Variants in DGKB observed in about 807,000 individuals in gnomAD.
DGKB encodes the protein 90 kDa diacylglycerol kinase.
DGKB carries 67 observed loss-of-function variants against 114.3 expected under a neutral mutation model. The observed-to-expected ratio is 0.59, with a 90% CI of 0.48 to 0.72. The LOEUF is 0.72. Ranked by LOEUF, DGKB falls within the 30% of genes least tolerant of loss-of-function variation. The probability of loss-of-function intolerance (pLI) is 0.00; values close to 1 mark genes in which losing one functional copy is unlikely to be tolerated. For synonymous variants in DGKB, 398 were observed against 323.1 expected, an observed-to-expected ratio of 1.23 and a Z score of -2.49; for missense variants, 907 against 975.2, an observed-to-expected ratio of 0.93 and a Z score of 0.93.
intron 8 of DGKB, among the ~76,000 whole-genome samples, chr7:14,695,495 T>TCTCTCTCTCTCTCTC (rs1491095073): frequency 1.7e-3 from 103 of 59,570 alleles, no homozygotes; most frequent in African/African-American, 7.3e-3. Context: ...TCTCTCTCTC[T>TCTCTCTCTCTCTCTC]TTTTTTTTTT....
chr7:14,720,516 T>C (rs1197184709), intron 5 of DGKB, among the ~76,000 whole-genome samples: 4 of 130,486 alleles, frequency 3.1e-5, no homozygotes, highest in Non-Finnish European at 5.0e-5. Context: ...TGTGTGTGTG[T>C]GTATGTTTAG....
intron 9 of DGKB, 125 bp downstream of exon 9, chr7:14,693,950 A>C: frequency 9.0e-7 from 1 of 1,110,334 alleles, no homozygotes; most frequent in East Asian, 2.6e-5. Flanking sequence ...ATACTTATTA[A>C]AAGTTCCAGG....
chr7:14,667,909 C>G (rs376257389), intron 13 of DGKB, among the ~76,000 whole-genome samples: 5 of 152,058 alleles, frequency 3.3e-5, no homozygotes, highest in Admixed American at 6.6e-5. Flanking sequence ...TTAACACATA[C>G]GAGACCCGAA....
rs1781745427 is a variant in DGKB, at chr7:14,148,666, G to A, written c.*465C>T. On this transcript the variant is annotated 3_prime_UTR_variant, in exon 26 of 26. Transcript: ENST00000402815. ...ATTAAAAGTTTCTCCTCAAGTCATA[G>A]GTCACTGATACACTGATTCTAAAAG... is the stretch of plus-strand genomic sequence containing the variant. 1.2e-5 allele frequency: 2 copies of A among 166,682 alleles called. No homozygotes were observed. Among genetic ancestry groups the A allele is most frequent in the African/African-American group, 4.8e-5 (2 of 41,520 alleles). The allele number at this position is 166,682 out of a possible 1,614,324, so 10.3% of individuals were successfully genotyped here.
At chr7:14,603,653 A>G (rs1803971310) in intron 17 of DGKB, among the ~76,000 whole-genome samples, 1 of 152,122 alleles carries the variant, frequency 6.6e-6, no homozygotes, top group Admixed American at 6.6e-5. Context: ...GTTGCATTAT[A>G]TTTTTAAAAT....
intron 20 of DGKB, among the ~76,000 whole-genome samples, chr7:14,560,344 G>A (rs1264038536): frequency 6.6e-5 from 10 of 151,966 alleles, no homozygotes; most frequent in Non-Finnish European, 1.0e-4. Context: ...ATTTATGTCC[G>A]TTGATTAATA....
At chr7:14,568,758 G>A (rs1310802502) in intron 20 of DGKB, among the ~76,000 whole-genome samples, 1 of 152,184 alleles carries the variant, frequency 6.6e-6, no homozygotes, top group East Asian at 1.9e-4. Flanking sequence ...ACATATTTCT[G>A]ACCTCGGGCT....
intron 1 of DGKB, among the ~76,000 whole-genome samples, chr7:14,866,253 C>G (rs1851697268): frequency 6.6e-6 from 1 of 152,106 alleles, no homozygotes; most frequent in Admixed American, 6.6e-5. Context: ...GATGAGCTTA[C>G]CATGAGACAC....
rs761304991 is a variant in DGKB, at chr7:14,843,315, CTTTTTTTTTT to C, written c.-187-1875_-187-1866del. On this transcript the variant is annotated intron_variant, in intron 1 of 25. Transcript: ENST00000402815. Reference sequence around the variant, plus strand: ...TTATTTGTTAATTAAATTTTAATAACTTTTTTTTTTTTTTTTTTTTTTTTTTTTTTGAGAC... The same window carrying C: ...TTATTTGTTAATTAAATTTTAATAACTTTTTTTTTTTTTTTTTTTTGAGAC... Among the ~76,000 whole-genome samples, 163 of 77,280 alleles carry C rather than the reference CTTTTTTTTTT, an allele frequency of 2.1e-3. 2 individuals carry two copies. The highest frequency in any genetic ancestry group is 7.9e-3 in the African/African-American group (153 of 19,458). 50.7% of individuals were successfully genotyped at this position (77,280 alleles called of 152,430 possible). A position where few individuals can be genotyped will look rare whatever the true frequency, so the allele number is the denominator to read the frequency against.
chr7:14,350,392 T>C (rs1813231911), intron 21 of DGKB, among the ~76,000 whole-genome samples: 1 of 151,970 alleles, frequency 6.6e-6, no homozygotes, highest in South Asian at 2.1e-4. Context: ...GAAGTAAACA[T>C]AAAACAAAAC....
Position 14,313,814 on chromosome 7 carries a change from C to T in DGKB, c.2122+24701G>A, listed in dbSNP as rs567890013. On this transcript the variant is annotated intron_variant, in intron 23 of 25. Coordinates refer to ENST00000402815, the MANE Select transcript of DGKB (RefSeq NM_001350709.2). ...GGAGGCCTGCCTGCCTCTGTAGGCT[C>T]CACCTCTGGGGGCAGGGCACAGACA... Among the ~76,000 whole-genome samples the T allele has an allele frequency of 2.7e-4, 41 of 152,286 alleles. 2 individuals are homozygous for T. Among genetic ancestry groups the T allele is most frequent in the African/African-American group, 8.2e-4 (34 of 41,582 alleles).
chr7:14,271,002 C>T (rs536306846), intron 23 of DGKB, among the ~76,000 whole-genome samples: 9 of 152,132 alleles, frequency 5.9e-5, no homozygotes, highest in Non-Finnish European at 1.2e-4. Flanking sequence ...GAACTACTAA[C>T]GTGTTAACTG....
chr7:14,355,813 C>G (rs1814354019), intron 21 of DGKB, among the ~76,000 whole-genome samples: 1 of 152,118 alleles, frequency 6.6e-6, no homozygotes, highest in Admixed American at 6.6e-5. Flanking sequence ...GGGAAGACTC[C>G]CTCTTTCTCT....
chr7:14,373,216 T>A (rs1415374308), intron 21 of DGKB, among the ~76,000 whole-genome samples: 2 of 152,198 alleles, frequency 1.3e-5, no homozygotes, highest in African/African-American at 4.8e-5. Context: ...CAGAGAATAA[T>A]TCTTTGTGGA....
chr7:14,731,520 T>C (rs1034455801), intron 5 of DGKB, among the ~76,000 whole-genome samples: 27 of 152,140 alleles, frequency 1.8e-4, no homozygotes, highest in African/African-American at 6.3e-4. Context: ...TTAAAAAAAC[T>C]GAAGAAGTGT....
chr7:14,237,367 G>A (rs1193340680), intron 23 of DGKB, among the ~76,000 whole-genome samples: 10 of 150,850 alleles, frequency 6.6e-5, no homozygotes, highest in Admixed American at 5.3e-4. Context: ...TATTACTTTT[G>A]ACTTCCTTCT....
intron 1 of DGKB, among the ~76,000 whole-genome samples, chr7:14,938,303 A>C (rs1785381290): frequency 6.6e-6 from 1 of 152,204 alleles, no homozygotes; most frequent in African/African-American, 2.4e-5. Context: ...GGTATCTAAG[A>C]GATTAAACAG....
chr7:14,689,199 A>ATTTATTTTTTTTTT (rs1822291187), intron 9 of DGKB, among the ~76,000 whole-genome samples: 1 of 76,566 alleles, frequency 1.3e-5, no homozygotes, highest in African/African-American at 4.1e-5. Context: ...AACTCCTCTT[A>ATTTATTTTTTTTTT]TTTTTTTTTT....
chr7:14,156,780 G>A (rs1783085778), intron 25 of DGKB, among the ~76,000 whole-genome samples: 1 of 152,046 alleles, frequency 6.6e-6, no homozygotes, highest in African/African-American at 2.4e-5. Context: ...GATAAAAGTG[G>A]AAATAATTTT....
Sources: gnomAD v4.1 joint callset for allele counts (sites outside exome capture counted in the v4.1 genomes callset) on GRCh38, gnomAD v4.1.1 for gene constraint, MANE v1.5 for transcripts, NCBI Gene and HGNC (gene_info 2026-07-23, HGNC 2026-07-21) for gene names.